The following BAG3 variants were observed in gnomAD, a reference collection of about 807,000 sequenced individuals.
BAG3 encodes BAG cochaperone 3.
In BAG3, 14 loss-of-function variants were observed where a neutral mutation model predicts 40.5. The observed-to-expected ratio is 0.35, with a 90% CI of 0.23 to 0.54. BAG3 has a LOEUF of 0.54. BAG3 is among the 20% of genes least tolerant of loss of function. BAG3 has a pLI of 0.91. For synonymous variants in BAG3, 302 were observed against 307.8 expected, an observed-to-expected ratio of 0.98 and a Z score of 0.20; for missense variants, 788 against 758.6, an observed-to-expected ratio of 1.04 and a Z score of -0.46.
chr10:119,667,904 C>T (rs1847088443), intron 1 of BAG3, among the ~76,000 whole-genome samples: 1 of 152,232 alleles, frequency 6.6e-6, no homozygotes, highest in South Asian at 2.1e-4. Context: ...AGGAGGACCT[C>T]AGTGAGTGGA....
chr10:119,676,706 C>CTCT lies in BAG3; in HGVS notation c.1155_1157dup (p.Ser386dup), dbSNP rs751357335. 2 of 1,614,194 alleles carry CTCT rather than the reference C, an allele frequency of 1.2e-6. No homozygotes were observed. Among genetic ancestry groups the CTCT allele is most frequent in the Non-Finnish European group, 1.7e-6 (2 of 1,180,030 alleles). On this transcript the variant is annotated inframe_insertion, in exon 4 of 4. Transcript: ENST00000369085. ...CCAGCCCTGGCCCTTCTGCTGTCCC[C>CTCT]TCTTCCCCCAAGAGTGTGGCTACAG... is the stretch of plus-strand genomic sequence containing the variant.
At chr10:119,660,509 TCTAA>T (rs1055107436) in intron 1 of BAG3, among the ~76,000 whole-genome samples, 4 of 152,162 alleles carry the variant, frequency 2.6e-5, no homozygotes, top group African/African-American at 7.2e-5. Flanking sequence ...GGCTTCTAAT[TCTAA>T]CTGTCTTACT....
intron 1 of BAG3, chr10:119,657,618 C>T (rs746528613): frequency 2.1e-6 from 1 of 471,014 alleles, no homozygotes; most frequent in Non-Finnish European, 4.4e-6. Flanking sequence ...CAGAGTTGTC[C>T]TGGGCTCCTA....
rs111435244 is a variant in BAG3, at chr10:119,677,374, T to G, written c.*92T>G. On this transcript the variant is annotated 3_prime_UTR_variant, in exon 4 of 4. Transcript: ENST00000369085. The stretch of plus-strand genomic sequence containing the variant: ...TTCAGAGACTTTAAGTCAGTTGGTT[T>G]TTATTAGCTGCTTGGTATGCAGTAA... 35 of 1,518,940 alleles carry G rather than the reference T, an allele frequency of 2.3e-5. 2 individuals are homozygous for G. In the African/African-American group the frequency reaches 3.0e-4, roughly 13 times the overall value. 94.1% of individuals were successfully genotyped at this position (1,518,940 alleles called of 1,614,324 possible). A position where few individuals can be genotyped will look rare whatever the true frequency, so the allele number is the denominator to read the frequency against.
Position 119,677,597 on chromosome 10 carries a change from T to G in BAG3, c.*315T>G. On this transcript the variant is annotated 3_prime_UTR_variant, in exon 4 of 4. Coordinates refer to ENST00000369085, the MANE Select transcript of BAG3 (RefSeq NM_004281.4). The stretch of plus-strand genomic sequence containing the variant: ...GGTTGTGCACTGTCTTTTGTAGCTC[T>G]GGACTGGAGGGGTAGATGGGGAGTC... The G allele has an allele frequency of 2.3e-6, 1 of 430,334 alleles. No individual in the cohort carries two copies. 26.7% of individuals were successfully genotyped at this position (430,334 alleles called of 1,614,324 possible).
chr10:119,672,765 C>T lies in BAG3; in HGVS notation c.909+109C>T, dbSNP rs116101558. 6.3e-4 allele frequency: 924 copies of T among 1,461,834 alleles called. 5 individuals are homozygous for T. The African/African-American group carries it at 0.011, about 17-fold the overall frequency. 90.6% of individuals were successfully genotyped at this position (1,461,834 alleles called of 1,614,324 possible). ...CCTTCATCCCTGCCTATTTAACATG[C>T]GTGTACCTACAGGCAAGTGAGATTC... On this transcript the variant is annotated intron_variant, in intron 3 of 3. Coordinates refer to ENST00000369085, the MANE Select transcript of BAG3 (RefSeq NM_004281.4). The surrounding 1 kb of genome is among the most constrained non-coding windows in gnomAD (Gnocchi z 4.8).
chr10:119,665,021 G>A (rs1041641452), intron 1 of BAG3, among the ~76,000 whole-genome samples: 5 of 151,098 alleles, frequency 3.3e-5, no homozygotes, highest in African/African-American at 7.3e-5. Flanking sequence ...AGCTTCAAGC[G>A]ATTCTCCTGC....
intron 1 of BAG3, among the ~76,000 whole-genome samples, chr10:119,652,329 T>C (rs962724470): frequency 1.3e-5 from 2 of 152,148 alleles, no homozygotes; most frequent in Non-Finnish European, 2.9e-5. Context: ...GCTTGGATGG[T>C]GGTTTTGGGG....
At chr10:119,656,869 A>G (rs975371823) in intron 1 of BAG3, among the ~76,000 whole-genome samples, 1 of 152,156 alleles carries the variant, frequency 6.6e-6, no homozygotes, top group Admixed American at 6.5e-5. Flanking sequence ...TCTTTGAACT[A>G]GAAACTATGA....
intron 1 of BAG3, among the ~76,000 whole-genome samples, chr10:119,666,267 A>T (rs906032197): frequency 6.6e-6 from 1 of 152,036 alleles, no homozygotes; most frequent in African/African-American, 2.4e-5. Flanking sequence ...CCCCACTTCC[A>T]GCCTGGCCCC....
At chr10:119,676,341 T>C in intron 3 of BAG3, 123 bp from the exon 4 acceptor site, 1 of 985,182 alleles carries the variant, frequency 1.0e-6, no homozygotes, top group South Asian at 1.4e-5. Context: ...GAAAATCTTT[T>C]ATACTATTAA....
chr10:119,667,908 G>A (rs186904142), intron 1 of BAG3, among the ~76,000 whole-genome samples: 2 of 152,354 alleles, frequency 1.3e-5, no homozygotes, highest in African/African-American at 4.8e-5. Flanking sequence ...GGACCTCAGT[G>A]AGTGGACAGA....
At chr10:119,653,262 T>C (rs930539401) in intron 1 of BAG3, among the ~76,000 whole-genome samples, 1 of 152,236 alleles carries the variant, frequency 6.6e-6, no homozygotes, top group Non-Finnish European at 1.5e-5. Context: ...CAGTTACATA[T>C]ACCTTTTTGT....
rs1589632842 is a variant in BAG3 at position 119,676,952 on chromosome 10, T to C, written c.1398T>C (p.Asp466=). Residue 466 remains aspartate, a synonymous_variant, in exon 4 of 4, where the codon GAT becomes GAC. Transcript: ENST00000369085. ...EYLTKELLAL[D]SVDPEGRADV... ...TGACCAAAGAGCTGCTGGCCCTGGA[T>C]TCAGTGGACCCCGAGGGACGAGCCG... The C allele has an allele frequency of 1.2e-6, 2 of 1,614,010 alleles. No homozygotes were observed. Among genetic ancestry groups the C allele is most frequent in the Non-Finnish European group, 1.7e-6 (2 of 1,180,028 alleles).
intron 1 of BAG3, among the ~76,000 whole-genome samples, chr10:119,664,114 C>T (rs780358802): frequency 5.9e-5 from 9 of 152,196 alleles, no homozygotes; most frequent in African/African-American, 9.7e-5. Flanking sequence ...GTTCCCTCAG[C>T]GCCCATGTTG....
intron 1 of BAG3, chr10:119,656,605 A>G (rs532649327): frequency 5.9e-5 from 9 of 152,096 alleles, no homozygotes; most frequent in Non-Finnish European, 1.3e-4. Flanking sequence ...ATTCATCTGT[A>G]TGCATCATGT....
chr10:119,676,643 G>A lies in BAG3; in HGVS notation c.1089G>A (p.Glu363=), dbSNP rs756237623. 3.1e-6 allele frequency: 5 copies of A among 1,614,056 alleles called. No individual in the cohort carries two copies. Among genetic ancestry groups the A allele is most frequent in the Non-Finnish European group, 4.2e-6 (5 of 1,180,038 alleles). ...CCCCACCTCCCTCTGAGAAGGTAGA[G>A]GTGAAAGTTCCCCCTGCTCCAGTTC... ...QKPPPPSEKV[E]VKVPPAPVPC... Residue 363 remains glutamate (E), a synonymous_variant, in exon 4 of 4, where the codon GAG becomes GAA. Coordinates refer to ENST00000369085, the MANE Select transcript of BAG3 (RefSeq NM_004281.4).
chr10:119,655,203 G>A (rs539908371), intron 1 of BAG3, among the ~76,000 whole-genome samples: 35 of 152,220 alleles, frequency 2.3e-4, no homozygotes, highest in Admixed American at 1.8e-3. Context: ...CAGGTACGCG[G>A]GCTTCTGGAG....
Position 119,672,781 on chromosome 10 carries a change from A to G in BAG3, c.909+125A>G. ...TTTAACATGCGTGTACCTACAGGCAAGTGAGATTCGAGAAATTGCTAGGTA... is the reference window on the plus strand; with the variant it reads ...TTTAACATGCGTGTACCTACAGGCAGGTGAGATTCGAGAAATTGCTAGGTA... On this transcript the variant is annotated intron_variant, in intron 3 of 3. Transcript: ENST00000369085. This position sits in a 1 kb window ranked among gnomAD's most constrained non-coding sequence, Gnocchi z 4.8. 1.5e-6 allele frequency: 2 copies of G among 1,361,274 alleles called. No individual in the cohort carries two copies. Among genetic ancestry groups the G allele is most frequent in the Non-Finnish European group, 2.0e-6 (2 of 980,994 alleles). The allele number at this position is 1,361,274 out of a possible 1,614,324, so 84.3% of individuals were successfully genotyped here.
Sources: gnomAD v4.1 joint callset for allele counts (sites outside exome capture counted in the v4.1 genomes callset) on GRCh38, gnomAD v4.1.1 for gene constraint, Gnocchi (gnomAD v3.1) non-coding constraint, MANE v1.5 for transcripts, NCBI Gene and HGNC (gene_info 2026-07-23, HGNC 2026-07-21) for gene names.